RCN3: variants seen among roughly 807,000 people sequenced by gnomAD.
RCN3 encodes reticulocalbin 3.
RCN3 carries 41 observed loss-of-function variants against 35.9 expected under a neutral mutation model. The observed-to-expected ratio is 1.14, with a 90% confidence interval of 0.89 to 1.48. RCN3 has a LOEUF of 1.48. Ranked by LOEUF, RCN3 falls within the 40% of genes most tolerant of loss-of-function variation. RCN3 has a pLI of 0.00. For synonymous variants in RCN3, 187 were observed against 193.4 expected (o/e 0.97, Z 0.27); for missense variants, 451 against 471.3 (o/e 0.96, Z 0.40).
rs748594439 is a variant in RCN3 at position 49,543,125 on chromosome 19, C to G, written c.899C>G (p.Ala300Gly). Residue 300 changes from alanine to glycine, a missense_variant, in exon 7 of 7, where the codon GCG becomes GGG. Coordinates refer to ENST00000270645, the MANE Select transcript of RCN3 (RefSeq NM_020650.3). ...CTCCAGGATGGGCGGCTGAGCAAAG[C>G]GGAAATCCTGGGTAATTGGAACATG... ...DTDKDGRLSK[A>G]EILGNWNMFV... 7.4e-6 allele frequency: 12 copies of G among 1,614,070 alleles called. No individual in the cohort carries two copies. Among genetic ancestry groups the G allele is most frequent in the South Asian group, 2.2e-5 (2 of 91,076 alleles).
chr19:49,536,288 CT>C (rs968434638), intron 3 of RCN3, among the ~76,000 whole-genome samples: 1,640 of 70,840 alleles, frequency 0.023, 7 homozygotes, highest in Non-Finnish European at 0.027. Flanking sequence ...ACCCGGCCTA[CT>C]TTTTTTTTTT....
chr19:49,537,024 C>A lies in RCN3; in HGVS notation c.446-9C>A. The A allele has an allele frequency of 6.6e-7, 1 of 1,520,514 alleles. No homozygotes were observed. The highest frequency in any genetic ancestry group is 8.9e-7 in the Non-Finnish European group (1 of 1,128,582). The allele number at this position is 1,520,514 out of a possible 1,614,324, so 94.2% of individuals were successfully genotyped here. On this transcript the variant is annotated splice_polypyrimidine_tract_variant and intron_variant, in intron 3 of 6. Transcript: ENST00000270645. ...AAAGCTCATCTCACTGAGACCTGTC[C>A]TTCCCCAGGTGAAGAATTTCATGAC...
intron 5 of RCN3, among the ~76,000 whole-genome samples, chr19:49,540,059 C>T (rs1291474001): frequency 6.6e-6 from 1 of 151,858 alleles, no homozygotes; most frequent in East Asian, 1.9e-4. Context: ...ATTGTTTATT[C>T]TTTTATTTTT....
Position 49,528,548 on chromosome 19 carries a change from G to A in RCN3, c.76G>A (p.Ala26Thr), listed in dbSNP as rs1232284690. 1 of 1,588,586 alleles carries A rather than the reference G, an allele frequency of 6.3e-7. No homozygotes were observed. The highest frequency in any genetic ancestry group is 1.1e-5 in the South Asian group (1 of 88,070). The change falls in exon 2 of 7, where the codon GCA (alanine) becomes ACA (threonine). Residue 26 changes from alanine to threonine, a missense_variant. By Grantham distance (58) the Ala-to-Thr change is moderately conservative (BLOSUM62 0). Coordinates refer to ENST00000270645, the MANE Select transcript of RCN3 (RefSeq NM_020650.3). ...GGCCCAGGGGAAGCCATCCCCAGAC[G>A]CAGGCCCTCATGGCCAGGGGAGGGT... The part of the protein sequence containing the change: ...HGAQGKPSPD[A>T]GPHGQGRVHQ...
At chr19:49,534,052 G>A in intron 2 of RCN3, 141 bp from the exon 3 acceptor site, 3 of 857,672 alleles carry the variant, frequency 3.5e-6, no homozygotes, top group Non-Finnish European at 5.0e-6. Flanking sequence ...AAATTGACCC[G>A]CGCCCCTCCC....
chr19:49,537,968 G>C (rs1262895448), intron 4 of RCN3, among the ~76,000 whole-genome samples: 1 of 148,736 alleles, frequency 6.7e-6, no homozygotes. Flanking sequence ...ATAGAAGAAG[G>C]CTTTTTTTTT....
chr19:49,541,936 C>T (rs568743434), intron 5 of RCN3, among the ~76,000 whole-genome samples: 7 of 151,504 alleles, frequency 4.6e-5, no homozygotes, highest in Non-Finnish European at 8.8e-5. Context: ...GCTGAGATTG[C>T]GCCATTGCAC....
intron 4 of RCN3, among the ~76,000 whole-genome samples, chr19:49,537,414 G>C (rs575559368): frequency 1.3e-5 from 2 of 152,022 alleles, no homozygotes; most frequent in Non-Finnish European, 1.5e-5. Context: ...ATCTCTCCTC[G>C]TCTGGCCTTC....
intron 2 of RCN3, among the ~76,000 whole-genome samples, chr19:49,529,849 T>A (rs1051128032): frequency 2.7e-5 from 4 of 148,982 alleles, no homozygotes; most frequent in Admixed American, 1.3e-4. Context: ...CTCCACCTCC[T>A]GGGCTCAAGC....
intron 4 of RCN3, among the ~76,000 whole-genome samples, chr19:49,537,854 G>A (rs1369127815): frequency 1.3e-5 from 2 of 151,440 alleles, no homozygotes; most frequent in East Asian, 3.9e-4. Flanking sequence ...GGCCAGGCTG[G>A]TCTTGAACTC....
intron 2 of RCN3, among the ~76,000 whole-genome samples, chr19:49,530,504 T>C (rs571860598): frequency 4.0e-5 from 6 of 149,684 alleles, no homozygotes; most frequent in Non-Finnish European, 5.9e-5. Context: ...TTTCTTTTTT[T>C]TTTTTTTTTG....
chr19:49,532,785 C>T (rs1207009035), intron 2 of RCN3, among the ~76,000 whole-genome samples: 1 of 152,240 alleles, frequency 6.6e-6, no homozygotes, highest in Non-Finnish European at 1.5e-5. Flanking sequence ...AACCAATTCT[C>T]CCGCGTCAGC....
At chr19:49,540,230 A>G (rs1437737115) in intron 5 of RCN3, among the ~76,000 whole-genome samples, 1 of 151,948 alleles carries the variant, frequency 6.6e-6, no homozygotes, top group African/African-American at 2.4e-5. Flanking sequence ...AGGCTGGTCT[A>G]GAACTCCTGG....
At chr19:49,541,220 G>A (rs1003871017) in intron 5 of RCN3, among the ~76,000 whole-genome samples, 1 of 151,316 alleles carries the variant, frequency 6.6e-6, no homozygotes, top group Non-Finnish European at 1.5e-5. Context: ...GCGAACCACC[G>A]CACCCAGCCT....
At chr19:49,538,647 G>A (rs2080148433) in intron 4 of RCN3, among the ~76,000 whole-genome samples, 1 of 152,076 alleles carries the variant, frequency 6.6e-6, no homozygotes, top group African/African-American at 2.4e-5. Flanking sequence ...GATATAAATT[G>A]GGGAACAAAA....
chr19:49,533,098 C>T (rs2080116912), intron 2 of RCN3, among the ~76,000 whole-genome samples: 1 of 152,216 alleles, frequency 6.6e-6, no homozygotes, highest in Non-Finnish European at 1.5e-5. Flanking sequence ...GGTTAAGTCA[C>T]TTGCCCACAG....
intron 2 of RCN3, among the ~76,000 whole-genome samples, chr19:49,530,487 T>C (rs2080103243): frequency 6.9e-6 from 1 of 145,262 alleles, no homozygotes; most frequent in Non-Finnish European, 1.5e-5. Flanking sequence ...AGGTAATTTT[T>C]CTTTTTTTTC....
At chr19:49,537,865 C>T (rs543413640) in intron 4 of RCN3, among the ~76,000 whole-genome samples, 24 of 151,032 alleles carry the variant, frequency 1.6e-4, no homozygotes, top group Non-Finnish European at 1.8e-4. Flanking sequence ...TCTTGAACTC[C>T]GGACCTCAGG....
chr19:49,541,040 C>T (rs2080160695), intron 5 of RCN3, among the ~76,000 whole-genome samples: 1 of 151,814 alleles, frequency 6.6e-6, no homozygotes, highest in African/African-American at 2.4e-5. Flanking sequence ...AAGCAATTCT[C>T]TTGTTTCAGC....
Sources: gnomAD v4.1 joint callset for allele counts (sites outside exome capture counted in the v4.1 genomes callset) on GRCh38, gnomAD v4.1.1 for gene constraint, MANE v1.5 for transcripts, NCBI Gene and HGNC (gene_info 2026-07-23, HGNC 2026-07-21) for gene names.